Variants in JAG1 observed in about 807,000 individuals in gnomAD.
The protein encoded by JAG1 is protein jagged-1.
A neutral mutation model predicts 148.7 loss-of-function variants in JAG1; 23 were observed. That is an observed-to-expected ratio of 0.15 (90% CI 0.11 to 0.22). The LOEUF (loss-of-function observed/expected upper bound fraction) is 0.22, where lower values mean the gene tolerates loss of function less well. Among genes scored for constraint, JAG1 ranks in the 10% least tolerant of loss-of-function variants. JAG1 has a pLI of 1.00. For missense variants in JAG1, 1,054 were observed against 1,611.2 expected (o/e 0.65, Z 5.92); for synonymous variants, 572 against 598.3 (o/e 0.96, Z 0.64).
chr20:10,673,343 T>A lies in JAG1; in HGVS notation c.81+107A>T. 1 of 848,124 alleles carries A rather than the reference T, an allele frequency of 1.2e-6. No homozygotes were observed. Among genetic ancestry groups the A allele is most frequent in the Non-Finnish European group, 1.8e-6 (1 of 561,542 alleles). The allele number at this position is 848,124 out of a possible 1,614,324, so 52.5% of individuals were successfully genotyped here. A position where few individuals can be genotyped will look rare whatever the true frequency, so the allele number is the denominator to read the frequency against. On this transcript the variant is annotated intron_variant, in intron 1 of 25. Transcript: ENST00000254958. The surrounding 1 kb of genome is among the most constrained non-coding windows in gnomAD (Gnocchi z 4.7). ...GCCGCTCGGGCGCAGGGGCGAGGAGTCGGGCGCTCGAGGGCTGCCGAGCCT... is the reference window on the plus strand; with the variant it reads ...GCCGCTCGGGCGCAGGGGCGAGGAGACGGGCGCTCGAGGGCTGCCGAGCCT...
In JAG1 at chr20:10,648,538, C is replaced by T; in HGVS notation, c.1569+11G>A. Reference sequence around the variant, plus strand: ...AAAAACTTGGCCATCTGAGGTTTTGCCACCACTCACCTGACAGAGGTTTCC... The same window carrying T: ...AAAAACTTGGCCATCTGAGGTTTTGTCACCACTCACCTGACAGAGGTTTCC... On this transcript the variant is annotated intron_variant, in intron 12 of 25. Coordinates refer to ENST00000254958, the MANE Select transcript of JAG1 (RefSeq NM_000214.3). 1 of 1,612,548 alleles carries T rather than the reference C, an allele frequency of 6.2e-7. No individual in the cohort carries two copies. Among genetic ancestry groups the T allele is most frequent in the Non-Finnish European group, 8.5e-7 (1 of 1,179,722 alleles).
At chr20:10,663,646 T>G (rs187267862) in intron 3 of JAG1, among the ~76,000 whole-genome samples, 5 of 152,370 alleles carry the variant, frequency 3.3e-5, no homozygotes, top group Admixed American at 1.3e-4. Flanking sequence ...AAGTCACTAC[T>G]TTGATCCTTT....
rs2067354546 is a variant in JAG1 at position 10,652,577 on chromosome 20, G to T, written c.777C>A (p.Gly259=). 6.2e-7 allele frequency: 1 copy of T among 1,613,854 alleles called. No homozygotes were observed. The highest frequency in any genetic ancestry group is 1.1e-5 in the South Asian group (1 of 91,068). ...GTGGGATGCACTTATCACAGTACAG[G>T]CCTTGCCAGCCGTACTGGCACCTGG... is the stretch of plus-strand genomic sequence containing the variant. The part of the protein sequence containing the change: ...GDCRCQYGWQ[G]LYCDKCIPHP... The change falls in exon 6 of 26, where the codon GGC becomes GGA. Residue 259 remains glycine, a synonymous_variant. Coordinates refer to ENST00000254958, the MANE Select transcript of JAG1 (RefSeq NM_000214.3).
chr20:10,641,370 G>C, intron 23 of JAG1, 90 bp downstream of exon 23: 1 of 1,500,850 alleles, frequency 6.7e-7, no homozygotes, highest in Non-Finnish European at 9.2e-7. Flanking sequence ...GTAAGCTAGG[G>C]AGAAGTAGAT....
rs571513052 is a variant in JAG1, at chr20:10,661,382, C to A, written c.439+2581G>T. Among the ~76,000 whole-genome samples the A allele has an allele frequency of 2.6e-5, 4 of 152,294 alleles. No individual in the cohort carries two copies. The South Asian group carries it at 8.3e-4, about 32-fold the overall frequency. On this transcript the variant is annotated intron_variant, in intron 3 of 25. Transcript: ENST00000254958. ...GGCTTCTGAACATCCTCAGCTTCTG[C>A]CCTGTGGAGTGCAGTCCAGAGGGAG...
intron 2 of JAG1, 139 bp downstream of exon 2, chr20:10,672,562 C>T (rs1317832547): frequency 3.4e-6 from 3 of 877,176 alleles, no homozygotes; most frequent in East Asian, 5.3e-5. Context: ...GCTCCCTCAC[C>T]CGCCACCCCT....
chr20:10,650,391 A>G (rs746729855), intron 8 of JAG1, 31 bp from the exon 9 acceptor site: 6 of 1,226,638 alleles, frequency 4.9e-6, no homozygotes, highest in Non-Finnish European at 7.2e-6. Flanking sequence ...GGGGTTGACA[A>G]TTTAATTCAA....
chr20:10,650,647 T>C (rs1195960657), intron 8 of JAG1: 2 of 422,074 alleles, frequency 4.7e-6, no homozygotes, highest in African/African-American at 4.0e-5. Context: ...AGGACATCTC[T>C]ATCTGCCTAA....
Position 10,673,747 on chromosome 20 carries a change from T to C in JAG1, c.-217A>G. The C allele has an allele frequency of 4.0e-6, 1 of 248,688 alleles. No homozygotes were observed. The allele number at this position is 248,688 out of a possible 1,614,324, so 15.4% of individuals were successfully genotyped here. A position where few individuals can be genotyped will look rare whatever the true frequency, so the allele number is the denominator to read the frequency against. On this transcript the variant is annotated 5_prime_UTR_variant, in exon 1 of 26. In the 5' UTR this introduces an upstream ATG that the reference lacks. Coordinates refer to ENST00000254958, the MANE Select transcript of JAG1 (RefSeq NM_000214.3). The surrounding 1 kb of genome is among the most constrained non-coding windows in gnomAD (Gnocchi z 4.7). ...GAAGGCAAAGAGCCCGGCCTCCTTTTATTATTCTGATCGCTTCTTTGAGAC... is the reference window on the plus strand; with the variant it reads ...GAAGGCAAAGAGCCCGGCCTCCTTTCATTATTCTGATCGCTTCTTTGAGAC...
chr20:10,639,462 C>A lies in JAG1; in HGVS notation c.*36G>T. On this transcript the variant is annotated 3_prime_UTR_variant, in exon 26 of 26. Coordinates refer to ENST00000254958, the MANE Select transcript of JAG1 (RefSeq NM_000214.3). Reference sequence around the variant, plus strand: ...GACAGTTTAAAGAACTACAAGCCCTCAGACTCTACCTAGCGGCGGCAGTGC... The same window carrying A: ...GACAGTTTAAAGAACTACAAGCCCTAAGACTCTACCTAGCGGCGGCAGTGC... 1 of 1,567,812 alleles carries A rather than the reference C, an allele frequency of 6.4e-7. No homozygotes were observed. Among genetic ancestry groups the A allele is most frequent in the Non-Finnish European group, 8.8e-7 (1 of 1,137,562 alleles).
intron 6 of JAG1, 72 bp from the exon 7 acceptor site, chr20:10,652,322 G>A (rs2122614741): frequency 6.2e-7 from 1 of 1,604,370 alleles, no homozygotes. Context: ...TCTAGCCCCA[G>A]TCGTCTTTTA....
intron 2 of JAG1, among the ~76,000 whole-genome samples, chr20:10,669,178 C>T (rs2067477811): frequency 6.6e-6 from 1 of 152,188 alleles, no homozygotes; most frequent in African/African-American, 2.4e-5. Context: ...CACTTCATCC[C>T]TTTGGTTTGA....
At chr20:10,643,011 G>A (rs2067283867) in intron 20 of JAG1, among the ~76,000 whole-genome samples, 1 of 152,246 alleles carries the variant, frequency 6.6e-6, no homozygotes, top group Non-Finnish European at 1.5e-5. Flanking sequence ...ATGAATGTGT[G>A]GCTGTGTGCC....
rs767489867 is a variant in JAG1 at position 10,641,443 on chromosome 20, C to T, written c.2916+17G>A. 56 of 1,549,480 alleles carry T rather than the reference C, an allele frequency of 3.6e-5. No homozygotes were observed. The highest frequency in any genetic ancestry group is 4.3e-5 in the Non-Finnish European group (48 of 1,123,104). ...AGACATCCACCATTCAAAAAAAAAA[C>T]AAAGGTTGTTACATACTGGTGACAT... On this transcript the variant is annotated intron_variant, in intron 23 of 25. Transcript: ENST00000254958.
Position 10,639,877 on chromosome 20 carries a change from A to G in JAG1, c.3278T>C (p.Leu1093Pro). The G allele has an allele frequency of 6.2e-7, 1 of 1,614,198 alleles. No individual in the cohort carries two copies. ...GCTGCCCGGCTTCCGCCGCTTCCGC[A>G]GGCACCAGTAGAAGGCCGTCACCAA... ...CCLVTAFYWC[L>P]RKRRKPGSHT... The change falls in exon 26 of 26, where the codon CTG (leucine) becomes CCG (proline). Residue 1093 changes from leucine to proline, a missense_variant. By Grantham distance (98) the Leu-to-Pro change is moderately conservative. Around this residue, in one of 6 missense-constraint regions of JAG1, gnomAD observed 177 missense variants for 177.3 expected, o/e 1.00. Coordinates refer to ENST00000254958, the MANE Select transcript of JAG1 (RefSeq NM_000214.3).
In JAG1 at chr20:10,639,809, G is replaced by T. The variant is rs377723772; in HGVS notation, c.3346C>A (p.Arg1116=). The change falls in exon 26 of 26, where the codon CGG becomes AGG. Residue 1116 remains arginine, a synonymous_variant. Coordinates refer to ENST00000254958, the MANE Select transcript of JAG1 (RefSeq NM_000214.3). ...TTTTTGATCTGGTTCAGCTGCTCCC[G>T]CACGTTGTTGGTGGTGTTGTCCTCA... ...ASEDNTTNNV[R]EQLNQIKNPI... 3.7e-6 allele frequency: 6 copies of T among 1,614,162 alleles called. No individual in the cohort carries two copies. The highest frequency in any genetic ancestry group is 5.1e-6 in the Non-Finnish European group (6 of 1,180,028).
intron 5 of JAG1, among the ~76,000 whole-genome samples, chr20:10,655,350 C>T (rs757748020): frequency 2.6e-5 from 4 of 152,142 alleles, no homozygotes; most frequent in East Asian, 3.9e-4. Flanking sequence ...ACGGAGCCCA[C>T]GAACCTGCAT....
chr20:10,641,940 C>T (rs770197723), intron 21 of JAG1, 48 bp from the exon 22 acceptor site: 10 of 1,256,262 alleles, frequency 8.0e-6, no homozygotes, highest in African/African-American at 4.4e-5. Flanking sequence ...TGAACCGGAT[C>T]GGGGTTCAAT....
Position 10,672,961 on chromosome 20 carries a change from G to T in JAG1, c.127C>A (p.Gln43Lys), listed in dbSNP as rs774335658. 6.2e-7 allele frequency: 1 copy of T among 1,612,228 alleles called. No homozygotes were observed. Among genetic ancestry groups the T allele is most frequent in the Non-Finnish European group, 8.5e-7 (1 of 1,180,026 alleles). Residue 43 changes from glutamine (Q) to lysine (K), a missense_variant, in exon 2 of 26, where the codon CAG (glutamine) becomes AAG (lysine). By Grantham distance (53) the Gln-to-Lys change is moderately conservative. Around this residue, in one of 6 missense-constraint regions of JAG1, gnomAD observed 151 missense variants for 211.1 expected, o/e 0.72. Coordinates refer to ENST00000254958, the MANE Select transcript of JAG1 (RefSeq NM_000214.3). ...TTCTGCAGCTCCCCGTTCACGTTCTGCATGGACAGGATCTCCAACTCGAAC... is the reference window on the plus strand; with the variant it reads ...TTCTGCAGCTCCCCGTTCACGTTCTTCATGGACAGGATCTCCAACTCGAAC... ...GQFELEILSM[Q>K]NVNGELQNGN... is the part of the protein sequence containing the mutation.
Sources: gnomAD v4.1 joint callset for allele counts (sites outside exome capture counted in the v4.1 genomes callset) on GRCh38, gnomAD v4.1.1 for gene constraint, gnomAD v4.1.1 regional missense constraint, Gnocchi (gnomAD v3.1) non-coding constraint, MANE v1.5 for transcripts, NCBI Gene and HGNC (gene_info 2026-07-23, HGNC 2026-07-21) for gene names.